NRG1: variants seen among roughly 807,000 people sequenced by gnomAD.
The protein encoded by NRG1 is neuregulin 1, also known as pro-neuregulin-1, membrane-bound isoform.
NRG1 carries 18 observed loss-of-function variants against 63.8 expected under a neutral mutation model. The observed-to-expected ratio is 0.28, with a 90% CI of 0.19 to 0.42. The LOEUF (loss-of-function observed/expected upper bound fraction) is 0.42, where lower values mean the gene tolerates loss of function less well. Ranked by LOEUF, NRG1 falls within the 10% of genes least tolerant of loss-of-function variation. The probability of loss-of-function intolerance (pLI) is 1.00; values close to 1 mark genes in which losing one functional copy is unlikely to be tolerated. For synonymous variants in NRG1, 302 were observed against 301.3 expected, an observed-to-expected ratio of 1.00 and a Z score of -0.02; for missense variants, 762 against 814.7, an observed-to-expected ratio of 0.94 and a Z score of 0.79.
At chr8:31,916,138 A>C (rs1833361638) in intron 1 of NRG1, among the ~76,000 whole-genome samples, 1 of 152,152 alleles carries the variant, frequency 6.6e-6, no homozygotes, top group South Asian at 2.1e-4. Context: ...GTTTGGCTAC[A>C]TTATCTAAAA....
chr8:32,312,144 T>C (rs1039146331), intron 1 of NRG1, among the ~76,000 whole-genome samples: 1 of 147,788 alleles, frequency 6.8e-6, no homozygotes, highest in Non-Finnish European at 1.5e-5. Flanking sequence ...ACATTCATTA[T>C]TTGACCTTGT....
At chr8:31,922,886 G>A (rs1051652389) in intron 1 of NRG1, among the ~76,000 whole-genome samples, 1 of 152,124 alleles carries the variant, frequency 6.6e-6, no homozygotes, top group South Asian at 2.1e-4. Context: ...GGAAAAAAAA[G>A]GAAGTAATAA....
intron 1 of NRG1, among the ~76,000 whole-genome samples, chr8:32,049,480 A>T (rs1284070460): frequency 6.6e-6 from 1 of 152,132 alleles, no homozygotes; most frequent in Non-Finnish European, 1.5e-5. Context: ...ATAAGGTGTC[A>T]CAGATTTAAT....
chr8:31,742,455 A>ATTT (rs36040084), intron 1 of NRG1, among the ~76,000 whole-genome samples: 929 of 79,988 alleles, frequency 0.012, 70 homozygotes, highest in Admixed American at 0.033. Context: ...TTTTTTAAGA[A>ATTT]TTTTTTTTTT....
chr8:32,754,393 A>G (rs1377627153), exon 8 of NRG1: 2 of 1,613,846 alleles, frequency 1.2e-6, no homozygotes, highest in African/African-American at 1.3e-5. Context: ...CTGTACCAGA[A>G]GAGAGTGCTG....
chr8:31,759,191 G>T (rs1817279623), intron 1 of NRG1, among the ~76,000 whole-genome samples: 1 of 152,126 alleles, frequency 6.6e-6, no homozygotes, highest in Non-Finnish European at 1.5e-5. Flanking sequence ...AATGTAGCTT[G>T]CCTTTTCAAT....
chr8:31,868,174 A>T (rs1435693142), intron 1 of NRG1, among the ~76,000 whole-genome samples: 1 of 151,378 alleles, frequency 6.6e-6, no homozygotes, highest in Non-Finnish European at 1.5e-5. Flanking sequence ...ACACACACAC[A>T]CACACACACA....
intron 4 of NRG1, 35 bp downstream of exon 4, chr8:32,614,599 A>C (rs757963418): frequency 1.2e-6 from 2 of 1,602,404 alleles, no homozygotes; most frequent in Admixed American, 3.3e-5. Context: ...TTTACTAACC[A>C]GAATGACAAC....
At chr8:31,774,190 G>T (rs1403300265) in intron 1 of NRG1, among the ~76,000 whole-genome samples, 2 of 151,856 alleles carry the variant, frequency 1.3e-5, no homozygotes, top group African/African-American at 4.8e-5. Flanking sequence ...CTTCCTCAGG[G>T]CCTTTGCACT....
chr8:32,113,052 T>G (rs6995821), intron 1 of NRG1, among the ~76,000 whole-genome samples: 115,423 of 152,014 alleles, frequency 0.76, 44,585 homozygotes, highest in African/African-American at 0.89. Flanking sequence ...AATAGGTGTG[T>G]GGCCCTTCTG....
At chr8:31,657,033 G>A (rs186743539) in intron 1 of NRG1, among the ~76,000 whole-genome samples, 5 of 152,278 alleles carry the variant, frequency 3.3e-5, no homozygotes, top group Admixed American at 2.6e-4. Context: ...TAGTAATTGC[G>A]TGCATTTTTC....
intron 1 of NRG1, among the ~76,000 whole-genome samples, chr8:31,765,415 T>C (rs1353155607): frequency 6.6e-6 from 1 of 152,192 alleles, no homozygotes; most frequent in Non-Finnish European, 1.5e-5. Context: ...TTTCTGAGAA[T>C]AGTGAGGAAG....
At chr8:32,573,019 G>C (rs1046155216) in intron 1 of NRG1, among the ~76,000 whole-genome samples, 2 of 152,068 alleles carry the variant, frequency 1.3e-5, no homozygotes, top group Non-Finnish European at 2.9e-5. Context: ...TGCCTGAACC[G>C]AGTAATGGCA....
At chr8:32,156,597 C>T (rs1018584915) in intron 1 of NRG1, among the ~76,000 whole-genome samples, 1 of 152,190 alleles carries the variant, frequency 6.6e-6, no homozygotes, top group Admixed American at 6.5e-5. Flanking sequence ...AGTTCAGGCC[C>T]TGTATCCCCA....
intron 1 of NRG1, among the ~76,000 whole-genome samples, chr8:32,443,624 G>A (rs984855689): frequency 1.5e-4 from 23 of 152,254 alleles, no homozygotes; most frequent in Admixed American, 5.2e-4. Flanking sequence ...AGAAGTGTCC[G>A]TATGAACACA....
At chr8:32,645,337 A>T (rs1300763434) in intron 5 of NRG1, among the ~76,000 whole-genome samples, 2 of 152,238 alleles carry the variant, frequency 1.3e-5, no homozygotes, top group Admixed American at 6.5e-5. Context: ...TACTGTGCAG[A>T]TTATAGAGAG....
At chr8:32,585,031 C>T (rs996268211) in intron 1 of NRG1, among the ~76,000 whole-genome samples, 8 of 151,978 alleles carry the variant, frequency 5.3e-5, no homozygotes, top group African/African-American at 1.4e-4. Flanking sequence ...ATTAACATAT[C>T]AAAATCATGT....
intron 1 of NRG1, among the ~76,000 whole-genome samples, chr8:31,897,376 G>A (rs989025544): frequency 6.6e-6 from 1 of 152,104 alleles, no homozygotes; most frequent in East Asian, 1.9e-4. Flanking sequence ...ATCTAGTATA[G>A]TATCACCTGA....
At chr8:32,586,252 CTTTA>C (rs5890661) in intron 1 of NRG1, among the ~76,000 whole-genome samples, 38,486 of 149,900 alleles carry the variant, frequency 0.26, 5,053 homozygotes, top group South Asian at 0.33. Flanking sequence ...ATAAAAAGGA[CTTTA>C]TTTAACTTCA....
Sources: allele counts gnomAD v4.1 joint callset (sites outside exome capture counted in the v4.1 genomes callset), GRCh38; gene constraint gnomAD v4.1.1; transcripts MANE v1.5; gene names NCBI Gene and HGNC (gene_info 2026-07-23, HGNC 2026-07-21).